OXR1: variants seen among roughly 807,000 people sequenced by gnomAD.
OXR1 encodes oxidation resistance 1.
OXR1 carries 41 observed loss-of-function variants against 104.6 expected under a neutral mutation model. The observed-to-expected ratio is 0.39, with a 90% CI of 0.31 to 0.51. OXR1 has a LOEUF of 0.51. OXR1 is among the 20% of genes least tolerant of loss of function. OXR1 has a pLI of 0.77. For synonymous variants in OXR1, 348 were observed against 348.4 expected (o/e 1.00, Z 0.01); for missense variants, 955 against 1,031.9 (o/e 0.93, Z 1.02).
chr8:106,392,572 G>A (rs1817625818), intron 2 of OXR1, among the ~76,000 whole-genome samples: 1 of 152,228 alleles, frequency 6.6e-6, no homozygotes, highest in Non-Finnish European at 1.5e-5. Context: ...CTTATGATAT[G>A]CAGTGATGAT....
At chr8:106,607,583 C>A (rs1340378793) in intron 3 of OXR1, among the ~76,000 whole-genome samples, 2 of 152,188 alleles carry the variant, frequency 1.3e-5, no homozygotes, top group Non-Finnish European at 2.9e-5. Flanking sequence ...TCTCAGGTCC[C>A]TCCTTCTCAT....
chr8:106,395,010 GA>G (rs1817720217), intron 2 of OXR1, among the ~76,000 whole-genome samples: 1 of 150,946 alleles, frequency 6.6e-6, no homozygotes, highest in Admixed American at 6.6e-5. Flanking sequence ...GTAGTGGGGG[GA>G]AAAGTAATTG....
At chr8:106,355,899 A>G (rs1000939745) in intron 1 of OXR1, among the ~76,000 whole-genome samples, 1 of 152,184 alleles carries the variant, frequency 6.6e-6, no homozygotes, top group Non-Finnish European at 1.5e-5. Flanking sequence ...AGGACTAAAA[A>G]CAATACCCTG....
At chr8:106,429,751 A>G (rs2130559575) in intron 2 of OXR1, among the ~76,000 whole-genome samples, 1 of 152,154 alleles carries the variant, frequency 6.6e-6, no homozygotes, top group African/African-American at 2.4e-5. Context: ...AGAAAAATAT[A>G]CAAATGTTAT....
chr8:106,709,252 A>C (rs911391012), intron 9 of OXR1, among the ~76,000 whole-genome samples: 4 of 152,134 alleles, frequency 2.6e-5, no homozygotes, highest in African/African-American at 9.7e-5. Flanking sequence ...AGATTATACT[A>C]TACTGTTGTA....
intron 16 of OXR1, among the ~76,000 whole-genome samples, chr8:106,750,076 A>G (rs1481377472): frequency 6.6e-6 from 1 of 151,840 alleles, no homozygotes; most frequent in Non-Finnish European, 1.5e-5. Context: ...TTTATTTTAG[A>G]TGATACTGAA....
chr8:106,717,835 G>T (rs1832418587), intron 11 of OXR1, among the ~76,000 whole-genome samples: 1 of 151,830 alleles, frequency 6.6e-6, no homozygotes, highest in African/African-American at 2.4e-5. Flanking sequence ...TTTTCATAAA[G>T]CCATAGATTC....
chr8:106,394,515 A>T (rs1817704624), intron 2 of OXR1, among the ~76,000 whole-genome samples: 1 of 152,134 alleles, frequency 6.6e-6, no homozygotes, highest in Non-Finnish European at 1.5e-5. Flanking sequence ...AATCATTAAA[A>T]ACTGGAAACC....
chr8:106,401,883 G>A (rs1294117036), intron 2 of OXR1, among the ~76,000 whole-genome samples: 1 of 152,142 alleles, frequency 6.6e-6, no homozygotes, highest in Non-Finnish European at 1.5e-5. Context: ...TCTTATGAAG[G>A]GGAAAAATTG....
intron 3 of OXR1, among the ~76,000 whole-genome samples, chr8:106,631,350 A>G (rs1243364266): frequency 2.6e-5 from 4 of 152,244 alleles, no homozygotes; most frequent in Admixed American, 6.5e-5. Context: ...CAACTATTCT[A>G]TGGCAGTTCT....
chr8:106,641,032 A>T (rs1823582380), intron 3 of OXR1, among the ~76,000 whole-genome samples: 1 of 152,268 alleles, frequency 6.6e-6, no homozygotes, highest in Admixed American at 6.5e-5. Context: ...CTACATAGAC[A>T]GTAGTATAAC....
At chr8:106,510,906 A>G (rs963455040) in intron 2 of OXR1, among the ~76,000 whole-genome samples, 2 of 152,220 alleles carry the variant, frequency 1.3e-5, no homozygotes, top group African/African-American at 4.8e-5. Context: ...GAATTCCCAA[A>G]GGATACTTCT....
chr8:106,356,084 G>T (rs1308361449), intron 1 of OXR1, among the ~76,000 whole-genome samples: 2 of 152,098 alleles, frequency 1.3e-5, no homozygotes, highest in Non-Finnish European at 2.9e-5. Context: ...GTGAGGGCAT[G>T]GTTGGTCAAT....
In OXR1 at chr8:106,353,313, T is replaced by C. The variant is rs1032456812; in HGVS notation, c.-138-6163T>C. Among the ~76,000 whole-genome samples the C allele has an allele frequency of 3.3e-5, 5 of 152,060 alleles. No homozygotes were observed. The East Asian group carries it at 5.8e-4, about 18-fold the overall frequency. ...GCAGTGAGTCGAGATCACGCCACTG[T>C]ACTCCAGCCTGGGCGACTCCAGCCT... On this transcript the variant is annotated intron_variant, in intron 1 of 16. Transcript: ENST00000517566.
intron 3 of OXR1, among the ~76,000 whole-genome samples, chr8:106,552,352 C>A (rs1815907380): frequency 6.6e-6 from 1 of 152,082 alleles, no homozygotes; most frequent in Non-Finnish European, 1.5e-5. Context: ...AGTCCCATTT[C>A]TATGTATCAA....
At chr8:106,557,547 C>A (rs1464195270) in intron 3 of OXR1, among the ~76,000 whole-genome samples, 1 of 63,996 alleles carries the variant, frequency 1.6e-5, no homozygotes, top group Non-Finnish European at 4.7e-5. Flanking sequence ...TTTTAGAATT[C>A]TACTTTTTTT....
chr8:106,709,080 A>G (rs1343837820), intron 9 of OXR1, among the ~76,000 whole-genome samples: 1 of 152,118 alleles, frequency 6.6e-6, no homozygotes, highest in Admixed American at 6.6e-5. Context: ...AAACTAATGC[A>G]TGTTCAGTAA....
In OXR1 at chr8:106,294,720, C is replaced by T. The variant is rs1450302817; in HGVS notation, c.-139+24353C>T. 2.0e-5 allele frequency among the ~76,000 whole-genome samples: 3 copies of T among 152,124 alleles called. No homozygotes were observed. The East Asian group carries it at 5.8e-4, about 29-fold the overall frequency. On this transcript the variant is annotated intron_variant, in intron 1 of 16. Transcript: ENST00000517566. ...CATGAAGGATCTGCCTCCATGATCA[C>T]CTCCCACCAGGCCCCACCTCCAGCA... is the stretch of plus-strand genomic sequence containing the variant.
chr8:106,618,396 C>G (rs1821417335), intron 3 of OXR1, among the ~76,000 whole-genome samples: 1 of 152,166 alleles, frequency 6.6e-6, no homozygotes, highest in Admixed American at 6.5e-5. Context: ...TGTCAGAACA[C>G]TGAATCTAAA....
Sources: allele counts gnomAD v4.1 joint callset (sites outside exome capture counted in the v4.1 genomes callset), GRCh38; gene constraint gnomAD v4.1.1; transcripts MANE v1.5; gene names NCBI Gene and HGNC (gene_info 2026-07-23, HGNC 2026-07-21).